SH3KBP1: variants seen among roughly 807,000 people sequenced by gnomAD.
The protein encoded by SH3KBP1 is SH3 domain-containing kinase-binding protein 1.
SH3KBP1 carries 8 observed loss-of-function variants against 50.1 expected under a neutral mutation model. The observed-to-expected ratio is 0.16, with a 90% confidence interval of 0.09 to 0.29. SH3KBP1 has a LOEUF of 0.29. Ranked by LOEUF, SH3KBP1 falls within the 10% of genes least tolerant of loss-of-function variation. The probability of loss-of-function intolerance (pLI) is 1.00; values close to 1 mark genes in which losing one functional copy is unlikely to be tolerated. For synonymous variants in SH3KBP1, 227 were observed against 218.6 expected, an observed-to-expected ratio of 1.04 and a Z score of -0.34; for missense variants, 377 against 535.2, an observed-to-expected ratio of 0.70 and a Z score of 2.92.
chrX:19,634,758 A>C (rs2061663581), intron 7 of SH3KBP1, among the ~76,000 whole-genome samples: 1 of 112,169 alleles, frequency 8.9e-6, no homozygotes, highest in African/African-American at 3.2e-5. Flanking sequence ...GGATGACCTC[A>C]GTGTCCTCAG....
At chrX:19,682,176 T>G (rs1466249657) in intron 6 of SH3KBP1, among the ~76,000 whole-genome samples, 1 of 111,146 alleles carries the variant, frequency 9.0e-6, no homozygotes, top group Admixed American at 9.6e-5. Context: ...GATACTGAAG[T>G]AAGCAGGCAG....
chrX:19,601,150 T>C (rs2067076965), intron 9 of SH3KBP1, among the ~76,000 whole-genome samples: 1 of 111,998 alleles, frequency 8.9e-6, no homozygotes, highest in South Asian at 3.7e-4. Flanking sequence ...TGTCTGCTTG[T>C]GTGCGGGGTT....
rs151207210 is a variant in SH3KBP1, at chrX:19,610,403, G to T, written c.898-2358C>A. Among the ~76,000 whole-genome samples the T allele has an allele frequency of 2.7e-3, 300 of 111,340 alleles. 4 individuals carry two copies. The highest frequency in any genetic ancestry group is 9.5e-3 in the African/African-American group (290 of 30,628). On this transcript the variant is annotated intron_variant, in intron 8 of 17. Transcript: ENST00000397821. ...AACAGAAAAACTTATGAAGGAAGCT[G>T]GGAGTAGAATTTCTTTGACCCTAAC...
chrX:19,670,854 A>AAAAAAAAAAAAAAAAAAAAT (rs2062775076), intron 6 of SH3KBP1: 1 of 1,141,241 alleles, frequency 8.8e-7, no homozygotes, highest in African/African-American at 2.0e-5. Flanking sequence ...AAAAAAAAAA[A>AAAAAAAAAAAAAAAAAAAAT]GAAATACCTC....
chrX:19,655,115 C>T (rs1047288339), intron 6 of SH3KBP1, among the ~76,000 whole-genome samples: 1 of 112,066 alleles, frequency 8.9e-6, no homozygotes, highest in African/African-American at 3.2e-5. Context: ...GACATGTATC[C>T]CACACTTGCT....
chrX:19,683,761 C>A, intron 6 of SH3KBP1, 62 bp downstream of exon 6: 1 of 1,081,608 alleles, frequency 9.2e-7, no homozygotes, highest in Non-Finnish European at 1.3e-6. Flanking sequence ...GCACCAAACC[C>A]CACAACGTAC....
chrX:19,693,829 G>C (rs934312730), intron 5 of SH3KBP1, among the ~76,000 whole-genome samples: 1 of 112,137 alleles, frequency 8.9e-6, no homozygotes, highest in African/African-American at 3.2e-5. Context: ...TTACTCCTCT[G>C]ATCTTCCAGC....
At chrX:19,614,860 T>C (rs2067558170) in intron 8 of SH3KBP1, among the ~76,000 whole-genome samples, 1 of 111,778 alleles carries the variant, frequency 8.9e-6, no homozygotes, top group African/African-American at 3.3e-5. Flanking sequence ...AAAATGAGGA[T>C]TCTTATCTTC....
chrX:19,799,855 G>A, intron 2 of SH3KBP1: 1 of 1,009,176 alleles, frequency 9.9e-7, no homozygotes, highest in South Asian at 2.9e-5. Flanking sequence ...ACTCACACTG[G>A]TGGTTTTTTT....
At chrX:19,797,661 A>T (rs2066758419) in intron 2 of SH3KBP1, among the ~76,000 whole-genome samples, 1 of 111,580 alleles carries the variant, frequency 9.0e-6, no homozygotes, top group African/African-American at 3.3e-5. Context: ...CAGTGATAAA[A>T]GTTAGCACTG....
At chrX:19,611,414 C>T (rs753374813) in intron 8 of SH3KBP1, among the ~76,000 whole-genome samples, 8 of 111,694 alleles carry the variant, frequency 7.2e-5, no homozygotes, top group African/African-American at 1.3e-4. Context: ...AGTGCAGTGG[C>T]GTGATCTCGG....
intron 8 of SH3KBP1, among the ~76,000 whole-genome samples, chrX:19,627,624 C>A (rs2068061267): frequency 1.8e-5 from 2 of 112,338 alleles, no homozygotes; most frequent in African/African-American, 6.5e-5. Context: ...CTTCCAGGGA[C>A]ATACAGAAAT....
chrX:19,575,001 G>T (rs958022843), intron 12 of SH3KBP1, among the ~76,000 whole-genome samples: 1 of 111,914 alleles, frequency 8.9e-6, no homozygotes, highest in Non-Finnish European at 1.9e-5. Flanking sequence ...CTACAACTGT[G>T]AGGAAATAAA....
chrX:19,605,285 G>A (rs752702152), intron 9 of SH3KBP1, among the ~76,000 whole-genome samples: 2 of 111,325 alleles, frequency 1.8e-5, no homozygotes, highest in South Asian at 3.8e-4. Context: ...AAATAACGAC[G>A]TGAGGTAATG....
chrX:19,743,055 G>A (rs954559195), intron 3 of SH3KBP1, among the ~76,000 whole-genome samples: 14 of 111,850 alleles, frequency 1.3e-4, no homozygotes, highest in Non-Finnish European at 2.4e-4. Context: ...GCCAGTGGCT[G>A]CCAAGTCAGC....
intron 2 of SH3KBP1, among the ~76,000 whole-genome samples, chrX:19,753,139 G>C (rs1250711887): frequency 8.9e-6 from 1 of 111,927 alleles, no homozygotes; most frequent in Non-Finnish European, 1.9e-5. Context: ...TGCTGGTCCT[G>C]GTACTTCTCT....
intron 8 of SH3KBP1, among the ~76,000 whole-genome samples, chrX:19,610,658 A>T (rs1463520433): frequency 8.9e-6 from 1 of 111,767 alleles, no homozygotes; most frequent in Admixed American, 9.5e-5. Flanking sequence ...GAGCTTAGAG[A>T]TGTATGGGAA....
At chrX:19,683,157 G>A (rs1216135422) in intron 6 of SH3KBP1, among the ~76,000 whole-genome samples, 3 of 111,206 alleles carry the variant, frequency 2.7e-5, no homozygotes, top group Non-Finnish European at 3.8e-5. Context: ...AGACGTCATC[G>A]GCAGCCACAA....
intron 2 of SH3KBP1, among the ~76,000 whole-genome samples, chrX:19,805,746 C>T (rs946308864): frequency 1.8e-5 from 2 of 110,891 alleles, no homozygotes; most frequent in African/African-American, 3.3e-5. Flanking sequence ...CACCAGCCCA[C>T]GTCGAGACCT....
Sources: gnomAD v4.1 joint callset for allele counts (sites outside exome capture counted in the v4.1 genomes callset) on GRCh38, gnomAD v4.1.1 for gene constraint, MANE v1.5 for transcripts, NCBI Gene and HGNC (gene_info 2026-07-23, HGNC 2026-07-21) for gene names.